KCNC2: variants seen among roughly 807,000 people sequenced by gnomAD.
KCNC2 encodes voltage-gated potassium channel KCNC2.
KCNC2 carries 21 observed loss-of-function variants against 44.5 expected under a neutral mutation model. That is an observed-to-expected ratio of 0.47 (90% CI 0.33 to 0.68). The LOEUF (loss-of-function observed/expected upper bound fraction) is 0.68. KCNC2 is among the 30% of genes least tolerant of loss of function. The pLI, the probability that KCNC2 is intolerant of heterozygous loss-of-function variation, is 0.01. For missense variants in KCNC2, 589 were observed against 826.2 expected (o/e 0.71, Z 3.52); for synonymous variants, 391 against 339.1 (o/e 1.15, Z -1.68).
intron 2 of KCNC2, among the ~76,000 whole-genome samples, chr12:75,151,315 C>T (rs953695392): frequency 6.6e-6 from 1 of 151,970 alleles, no homozygotes; most frequent in Non-Finnish European, 1.5e-5. Flanking sequence ...ATAGTCTTCA[C>T]ACAAGTTTGC....
At chr12:75,191,599 G>A (rs1246780386) in intron 2 of KCNC2, among the ~76,000 whole-genome samples, 4 of 125,468 alleles carry the variant, frequency 3.2e-5, no homozygotes, top group Admixed American at 9.6e-5. Flanking sequence ...GCTGGACTGC[G>A]GACTGCAGTG....
intron 2 of KCNC2, among the ~76,000 whole-genome samples, chr12:75,059,575 AATTT>A (rs989022238): frequency 5.9e-5 from 9 of 152,068 alleles, no homozygotes; most frequent in Non-Finnish European, 1.2e-4. Context: ...CCTTTCACAC[AATTT>A]ATTTTTCATT....
chr12:75,104,754 A>G (rs1199806822), intron 2 of KCNC2, among the ~76,000 whole-genome samples: 1 of 152,146 alleles, frequency 6.6e-6, no homozygotes, highest in Non-Finnish European at 1.5e-5. Context: ...ATGGAAACTG[A>G]CATACAGAGA....
chr12:75,152,423 T>A (rs1166010311), intron 2 of KCNC2, among the ~76,000 whole-genome samples: 1 of 151,804 alleles, frequency 6.6e-6, no homozygotes, highest in African/African-American at 2.4e-5. Context: ...TGAGAGAAAA[T>A]AATTGTCAAC....
At position 75,047,961 on chromosome 12, in the gene KCNC2, G is replaced by T. The variant is rs145857549; in HGVS notation, c.1780+192C>A. 8.9e-3 allele frequency among the ~76,000 whole-genome samples: 1,347 copies of T among 152,146 alleles called. 19 individuals carry two copies. Among genetic ancestry groups the T allele is most frequent in the African/African-American group, 0.031 (1,274 of 41,530 alleles). ...AGAAAAAAGGATGAGATGTCTTTCAGATATGACGATCACATAGGTTATTAT... is the reference window on the plus strand; with the variant it reads ...AGAAAAAAGGATGAGATGTCTTTCATATATGACGATCACATAGGTTATTAT... On this transcript the variant is annotated intron_variant, in intron 4 of 4. Transcript: ENST00000549446.
intron 2 of KCNC2, among the ~76,000 whole-genome samples, chr12:75,081,814 A>G (rs925298321): frequency 6.6e-6 from 1 of 152,036 alleles, no homozygotes; most frequent in Non-Finnish European, 1.5e-5. Flanking sequence ...CGTTTAGAAA[A>G]CAAGCATCAC....
intron 2 of KCNC2, among the ~76,000 whole-genome samples, chr12:75,111,540 T>G (rs1290714686): frequency 6.6e-6 from 1 of 152,032 alleles, no homozygotes; most frequent in Non-Finnish European, 1.5e-5. Context: ...AAGTATCCTT[T>G]TTACAAGGTG....
chr12:75,089,796 A>G (rs1343251200), intron 2 of KCNC2, among the ~76,000 whole-genome samples: 3 of 151,856 alleles, frequency 2.0e-5, no homozygotes, highest in Admixed American at 1.3e-4. Flanking sequence ...TAAAGTAATT[A>G]AAATTCAATA....
At chr12:75,198,248 C>T (rs1296012322) in intron 2 of KCNC2, among the ~76,000 whole-genome samples, 1 of 151,964 alleles carries the variant, frequency 6.6e-6, no homozygotes, top group African/African-American at 2.4e-5. Flanking sequence ...ATACAGCATA[C>T]ACAAATGATA....
At chr12:75,055,300 C>A (rs1476270349) in intron 2 of KCNC2, among the ~76,000 whole-genome samples, 1 of 146,650 alleles carries the variant, frequency 6.8e-6, no homozygotes, top group East Asian at 2.0e-4. Context: ...TAATATAAAT[C>A]AAACAATGAA....
chr12:75,108,015 A>C (rs975219851), intron 2 of KCNC2, among the ~76,000 whole-genome samples: 2 of 152,166 alleles, frequency 1.3e-5, no homozygotes, highest in African/African-American at 4.8e-5. Context: ...AGTCACAAAA[A>C]TCGTCCTTAG....
intron 2 of KCNC2, among the ~76,000 whole-genome samples, chr12:75,120,241 TAC>T (rs1887960062): frequency 6.6e-6 from 1 of 152,216 alleles, no homozygotes; most frequent in Non-Finnish European, 1.5e-5. Context: ...ACGGTATAGC[TAC>T]AGTGTCTTGT....
intron 2 of KCNC2, among the ~76,000 whole-genome samples, chr12:75,174,193 T>C (rs943607772): frequency 4.6e-5 from 7 of 151,820 alleles, no homozygotes; most frequent in Non-Finnish European, 8.8e-5. Flanking sequence ...TTATACCATG[T>C]ATTTTTTACA....
At chr12:75,190,559 C>T (rs959683941) in intron 2 of KCNC2, among the ~76,000 whole-genome samples, 6 of 152,088 alleles carry the variant, frequency 3.9e-5, no homozygotes, top group African/African-American at 1.4e-4. Flanking sequence ...TGTTAGATAG[C>T]AGGTTTTAAT....
At chr12:75,127,033 A>ATTGTG (rs772092883) in intron 2 of KCNC2, among the ~76,000 whole-genome samples, 4 of 152,102 alleles carry the variant, frequency 2.6e-5, no homozygotes, top group African/African-American at 4.8e-5. Flanking sequence ...TAGTTAATGT[A>ATTGTG]TTGTGTATTT....
rs573849265 is a variant in KCNC2 at position 75,150,283 on chromosome 12, T to A, written c.687+57014A>T. On this transcript the variant is annotated intron_variant, in intron 2 of 4. Transcript: ENST00000549446. Reference sequence around the variant, plus strand: ...CAGTTTACTTTTCACTACACCCTCATCCGTTACACTAACACACTTTATCTT... The same window carrying A: ...CAGTTTACTTTTCACTACACCCTCAACCGTTACACTAACACACTTTATCTT... 3.6e-4 allele frequency among the ~76,000 whole-genome samples: 54 copies of A among 151,940 alleles called. No individual in the cohort carries two copies. In the South Asian group the frequency reaches 7.3e-3, roughly 20 times the overall value.
At chr12:75,138,564 T>TGAAC (rs1326082509) in intron 2 of KCNC2, among the ~76,000 whole-genome samples, 1 of 152,182 alleles carries the variant, frequency 6.6e-6, no homozygotes, top group East Asian at 1.9e-4. Flanking sequence ...GTGATCCTTG[T>TGAAC]GTACACTAAA....
chr12:75,179,077 T>G lies in KCNC2; in HGVS notation c.687+28220A>C, dbSNP rs984898802. ...AAACATACTAAAAGAAAAAAGATAA[T>G]GAAATAAAAGTTAAATCTGATGATT... On this transcript the variant is annotated intron_variant, in intron 2 of 4. Transcript: ENST00000549446. Among the ~76,000 whole-genome samples, 5 of 152,094 alleles carry G rather than the reference T, an allele frequency of 3.3e-5. No homozygotes were observed. In the South Asian group the frequency reaches 8.3e-4, roughly 25 times the overall value.
At chr12:75,085,263 T>C (rs1433322658) in intron 2 of KCNC2, among the ~76,000 whole-genome samples, 2 of 152,062 alleles carry the variant, frequency 1.3e-5, no homozygotes, top group Non-Finnish European at 2.9e-5. Flanking sequence ...GATTATCTTA[T>C]GTTACATATC....
Sources: allele counts gnomAD v4.1 joint callset (sites outside exome capture counted in the v4.1 genomes callset), GRCh38; gene constraint gnomAD v4.1.1; transcripts MANE v1.5; gene names NCBI Gene and HGNC (gene_info 2026-07-23, HGNC 2026-07-21).